DMD: variants seen among roughly 807,000 people sequenced by gnomAD.
DMD encodes the protein mutant dystrophin.
A neutral mutation model predicts 330.1 loss-of-function variants in DMD; 63 were observed. That is an observed-to-expected ratio of 0.19 (90% CI 0.16 to 0.24). The LOEUF (loss-of-function observed/expected upper bound fraction) is 0.24. Among genes scored for constraint, DMD ranks in the 10% least tolerant of loss-of-function variants. The pLI is 1.00. For missense variants in DMD, 3,344 were observed against 2,684.1 expected (o/e 1.25, Z -5.43); for synonymous variants, 1,223 against 959.8 (o/e 1.27, Z -5.07).
At chrX:31,628,710 T>G (rs1569141951) in intron 54 of DMD, among the ~76,000 whole-genome samples, 2 of 110,392 alleles carry the variant, frequency 1.8e-5, no homozygotes, top group Admixed American at 9.7e-5. Flanking sequence ...GTTTCTCATC[T>G]GCAATATCTA....
At chrX:31,189,811 A>C (rs1488987186) in intron 67 of DMD, among the ~76,000 whole-genome samples, 1 of 112,527 alleles carries the variant, frequency 8.9e-6, no homozygotes, top group African/African-American at 3.2e-5. Context: ...AGTCATCCTG[A>C]AGAGCAAAAA....
chrX:32,624,222 A>C (rs2058190594), intron 11 of DMD, among the ~76,000 whole-genome samples: 1 of 112,143 alleles, frequency 8.9e-6, no homozygotes, highest in East Asian at 2.8e-4. Context: ...AAGTAAAAGC[A>C]AAAGGTGAAT....
chrX:31,694,815 T>C (rs2083352892), intron 52 of DMD, among the ~76,000 whole-genome samples: 1 of 108,429 alleles, frequency 9.2e-6, no homozygotes, highest in Non-Finnish European at 1.9e-5. Context: ...TTATCCACTA[T>C]TGGTAGTATT....
intron 55 of DMD, among the ~76,000 whole-genome samples, chrX:31,553,486 A>T (rs1334621338): frequency 2.7e-5 from 3 of 111,941 alleles, no homozygotes; most frequent in Non-Finnish European, 3.8e-5. Context: ...CTTTTGCACC[A>T]ACCTAACAGC....
In DMD at chrX:33,094,442, A is replaced by T. The variant is rs559238114; in HGVS notation, c.32-74242T>A. 1.4e-4 allele frequency among the ~76,000 whole-genome samples: 16 copies of T among 112,173 alleles called. No homozygotes were observed. In the South Asian group the frequency reaches 4.4e-3, roughly 31 times the overall value. On this transcript the variant is annotated intron_variant, in intron 1 of 78. Coordinates refer to ENST00000357033, the MANE Select transcript of DMD (RefSeq NM_004006.3). ...GGCTAGAAGAAATAGCAAGGAGTAGATACAGGGAGGAAGGGTGTCCCAGAC... is the reference window on the plus strand; with the variant it reads ...GGCTAGAAGAAATAGCAAGGAGTAGTTACAGGGAGGAAGGGTGTCCCAGAC...
At chrX:32,635,281 T>A (rs7066617) in intron 11 of DMD, among the ~76,000 whole-genome samples, 24,866 of 110,692 alleles carry the variant, frequency 0.22, 3,894 homozygotes, top group African/African-American at 0.56. Flanking sequence ...TGCCTCTTTC[T>A]GTGATACAAC....
rs148574899 is a variant in DMD, at chrX:32,179,153, C to T, written c.6438+37763G>A. Among the ~76,000 whole-genome samples, 231 of 111,128 alleles carry T rather than the reference C, an allele frequency of 2.1e-3. 1 individual carries two copies. The highest frequency in any genetic ancestry group is 6.2e-3 in the African/African-American group (191 of 30,617). On this transcript the variant is annotated intron_variant, in intron 44 of 78. Transcript: ENST00000357033. Reference sequence around the variant, plus strand: ...CATTTAAGCTACCATACAAGCCAGGCGCTACATCTACAGAACACCTTTCTT... The same window carrying T: ...CATTTAAGCTACCATACAAGCCAGGTGCTACATCTACAGAACACCTTTCTT...
In DMD at chrX:31,774,008, C is replaced by T. The variant is rs939673895; in HGVS notation, c.7494G>A (p.Val2498=). ...LLDQVIKSQR[V]MVGDLEDINE... is the part of the protein sequence containing the mutation. ...TGATATCCTCAAGGTCACCCACCATCACCCTCTGTGATTTTATAACTTGAT... is the reference window on the plus strand; with the variant it reads ...TGATATCCTCAAGGTCACCCACCATTACCCTCTGTGATTTTATAACTTGAT... The change falls in exon 51 of 79, where the codon GTG becomes GTA. Residue 2498 remains valine (V), a synonymous_variant. Transcript: ENST00000357033. 1 of 1,207,390 alleles carries T rather than the reference C, an allele frequency of 8.3e-7. No individual in the cohort carries two copies. The highest frequency in any genetic ancestry group is 1.8e-5 in the African/African-American group (1 of 56,376).
At chrX:33,074,969 G>A (rs934030269) in intron 1 of DMD, among the ~76,000 whole-genome samples, 11 of 111,372 alleles carry the variant, frequency 9.9e-5, no homozygotes, top group African/African-American at 3.3e-4. Flanking sequence ...ACTCAACCGC[G>A]TTTGTAGAGC....
chrX:32,470,158 C>T (rs750715140), intron 22 of DMD, among the ~76,000 whole-genome samples: 2 of 110,706 alleles, frequency 1.8e-5, no homozygotes, highest in East Asian at 5.7e-4. Flanking sequence ...ATTTAAGTTA[C>T]AATTATTCAT....
rs778092408 is a variant in DMD at position 32,384,797 on chromosome X, A to G, written c.4674+1513T>C. Among the ~76,000 whole-genome samples, 8 of 111,197 alleles carry G rather than the reference A, an allele frequency of 7.2e-5. 1 individual carries two copies. In the South Asian group the frequency reaches 2.9e-3, roughly 41 times the overall value. On this transcript the variant is annotated intron_variant, in intron 33 of 78. Transcript: ENST00000357033. ...TATCAGTGATGTTGTTCTATTCACT[A>G]AAGTTGAGAACCTGAGTTGTAAAAA... is the stretch of plus-strand genomic sequence containing the variant.
At chrX:31,468,878 T>G (rs904063351) in intron 59 of DMD, among the ~76,000 whole-genome samples, 2 of 112,101 alleles carry the variant, frequency 1.8e-5, no homozygotes, top group African/African-American at 6.5e-5. Context: ...TTAGGATAGT[T>G]AGCTCTTCTT....
chrX:32,379,369 C>T (rs1251567380), intron 34 of DMD, among the ~76,000 whole-genome samples: 2 of 110,695 alleles, frequency 1.8e-5, no homozygotes, highest in Non-Finnish European at 3.8e-5. Context: ...TACCTTATAA[C>T]ATTTGAATGA....
At chrX:31,235,489 G>GA (rs2047639796) in intron 63 of DMD, among the ~76,000 whole-genome samples, 1 of 112,171 alleles carries the variant, frequency 8.9e-6, no homozygotes, top group Non-Finnish European at 1.9e-5. Flanking sequence ...ATACTTGAGG[G>GA]AAAAAAGATG....
At chrX:31,752,716 A>C (rs1007386689) in intron 51 of DMD, among the ~76,000 whole-genome samples, 3 of 111,553 alleles carry the variant, frequency 2.7e-5, no homozygotes, top group African/African-American at 9.8e-5. Context: ...TGAAGGCTGC[A>C]GGAAAGGCTA....
At chrX:31,398,396 C>T (rs989020906) in intron 60 of DMD, among the ~76,000 whole-genome samples, 2 of 111,532 alleles carry the variant, frequency 1.8e-5, no homozygotes, top group South Asian at 3.7e-4. Flanking sequence ...GGCCAGAGGC[C>T]GAAGAGTAAA....
intron 1 of DMD, among the ~76,000 whole-genome samples, chrX:33,080,993 C>CAT (rs2094920465): frequency 9.4e-6 from 1 of 106,829 alleles, no homozygotes; most frequent in Admixed American, 1.0e-4. Context: ...CACACACACA[C>CAT]ACACACACAC....
intron 17 of DMD, among the ~76,000 whole-genome samples, chrX:32,533,469 C>G (rs1368344527): frequency 8.9e-6 from 1 of 111,767 alleles, no homozygotes; most frequent in African/African-American, 3.3e-5. Flanking sequence ...CTTCCCTACT[C>G]TTTAATTATC....
At chrX:31,850,491 C>T (rs1222127852) in intron 48 of DMD, among the ~76,000 whole-genome samples, 2 of 111,912 alleles carry the variant, frequency 1.8e-5, no homozygotes, top group Non-Finnish European at 3.8e-5. Context: ...GTACCTTTGA[C>T]CAATAGACCA....
Sources: allele counts gnomAD v4.1 joint callset (sites outside exome capture counted in the v4.1 genomes callset), GRCh38; gene constraint gnomAD v4.1.1; transcripts MANE v1.5; gene names NCBI Gene and HGNC (gene_info 2026-07-23, HGNC 2026-07-21).